Variants in SCN9A observed in about 807,000 individuals in gnomAD.
SCN9A encodes sodium voltage-gated channel alpha subunit 9, also known as sodium channel protein type 9 subunit alpha.
In SCN9A, 131 loss-of-function variants were observed where a neutral mutation model predicts 187.0. The ratio of observed to expected loss-of-function variants is 0.70; its 90% CI spans 0.61 to 0.81. The LOEUF (loss-of-function observed/expected upper bound fraction) is 0.81, where lower values mean the gene tolerates loss of function less well. Ranked by LOEUF, SCN9A falls within the 30% of genes least tolerant of loss-of-function variation. The probability of loss-of-function intolerance (pLI) is 0.00; values close to 1 mark genes in which losing one functional copy is unlikely to be tolerated. For synonymous variants in SCN9A, 809 were observed against 808.6 expected, an observed-to-expected ratio of 1.00 and a Z score of -0.01; for missense variants, 2,252 against 2,396.6, an observed-to-expected ratio of 0.94 and a Z score of 1.26.
chr2:166,196,767 T>C lies in SCN9A; in HGVS notation c.*1905A>G, dbSNP rs200049536. Reference sequence around the variant, plus strand: ...CTATGTAGTCTCGGAAAACACTGCATGGTGTCTTTCATATTAAATTAAAAA... The same window carrying C: ...CTATGTAGTCTCGGAAAACACTGCACGGTGTCTTTCATATTAAATTAAAAA... On this transcript the variant is annotated 3_prime_UTR_variant, in exon 27 of 27. Transcript: ENST00000642356. 6.6e-6 allele frequency: 1 copy of C among 152,134 alleles called. No individual in the cohort carries two copies. The highest frequency in any genetic ancestry group is 2.4e-5 in the African/African-American group (1 of 41,454). 9.4% of individuals were successfully genotyped at this position (152,134 alleles called of 1,614,324 possible).
chr2:166,244,595 A>C (rs1695707139), intron 18 of SCN9A, among the ~76,000 whole-genome samples: 1 of 151,942 alleles, frequency 6.6e-6, no homozygotes, highest in African/African-American at 2.4e-5. Context: ...GCTATTGTGC[A>C]TCTCTTCTTT....
chr2:166,351,714 C>G (rs1700037367), intron 1 of SCN9A, among the ~76,000 whole-genome samples: 1 of 152,078 alleles, frequency 6.6e-6, no homozygotes, highest in Non-Finnish European at 1.5e-5. Flanking sequence ...TTCACTACAT[C>G]CAAGTCTTTA....
chr2:166,347,039 A>G (rs1229536427), intron 1 of SCN9A, among the ~76,000 whole-genome samples: 1 of 152,184 alleles, frequency 6.6e-6, no homozygotes, highest in Non-Finnish European at 1.5e-5. Flanking sequence ...ATTTCTCCAC[A>G]TCAATTTGCT....
chr2:166,202,046 T>C (rs996758911), intron 26 of SCN9A, among the ~76,000 whole-genome samples: 1 of 151,884 alleles, frequency 6.6e-6, no homozygotes, highest in Non-Finnish European at 1.5e-5. Flanking sequence ...TTCTTATTAA[T>C]TTATAAGAAC....
chr2:166,336,519 G>A (rs1267606116), intron 1 of SCN9A, among the ~76,000 whole-genome samples: 1 of 152,068 alleles, frequency 6.6e-6, no homozygotes, highest in African/African-American at 2.4e-5. Context: ...CTATAGGAAT[G>A]CCCCCAAAAT....
chr2:166,353,965 C>A (rs538288286), intron 1 of SCN9A, among the ~76,000 whole-genome samples: 1 of 152,142 alleles, frequency 6.6e-6, no homozygotes, highest in Non-Finnish European at 1.5e-5. Flanking sequence ...CTTCTCCTAA[C>A]CCAAGCACTT....
At chr2:166,340,526 C>T in intron 1 of SCN9A, among the ~76,000 whole-genome samples, 1 of 137,532 alleles carries the variant, frequency 7.3e-6, no homozygotes, top group African/African-American at 2.9e-5. Context: ...TTCCCTCTCT[C>T]CTTTCTTTTC....
In SCN9A at chr2:166,198,691, C is replaced by A. The variant is rs770802841; in HGVS notation, c.5948G>T (p.Ser1983Ile). The A allele has an allele frequency of 7.5e-6, 12 of 1,597,556 alleles. No homozygotes were observed. In the Admixed American group the frequency reaches 8.8e-5, roughly 12 times the overall value. ...GAAGCTCTATTTTTTGCTTTCCTTG[C>A]TGTCTTTCCCTTTGTCTTCCTTTTC... ...RTEKEDKGKD[S>I]KESKK Residue 1983 changes from serine to isoleucine, a missense_variant, in exon 27 of 27, where the codon AGC becomes ATC. Physicochemically the swap from Ser to Ile is moderately radical, Grantham distance 142. Transcript: ENST00000642356.
chr2:166,332,186 C>G (rs892007396), intron 1 of SCN9A, among the ~76,000 whole-genome samples: 1 of 152,138 alleles, frequency 6.6e-6, no homozygotes, highest in African/African-American at 2.4e-5. Flanking sequence ...GGTCTATGTA[C>G]AGCTATAGTA....
chr2:166,355,799 T>C (rs1214383538), intron 1 of SCN9A, among the ~76,000 whole-genome samples: 1 of 151,896 alleles, frequency 6.6e-6, no homozygotes, highest in Non-Finnish European at 1.5e-5. Flanking sequence ...ATTTTTTTTT[T>C]TTTTTGACAG....
intron 16 of SCN9A, among the ~76,000 whole-genome samples, chr2:166,275,180 C>A (rs1479021643): frequency 6.6e-6 from 1 of 152,094 alleles, no homozygotes; most frequent in Non-Finnish European, 1.5e-5. Flanking sequence ...TTTGAATTTG[C>A]CTGAATAAAT....
rs3834910 is a variant in SCN9A at position 166,198,255 on chromosome 2, C to CA, written c.*416dup. ...CAAGCATTTCATTGCAAAGCCAAGG[C>CA]AAATACTTTTGTTGATTTCCAAATA... On this transcript the variant is annotated 3_prime_UTR_variant, in exon 27 of 27. Transcript: ENST00000642356. 0.11 allele frequency: 17,167 copies of CA among 160,288 alleles called. 1,054 individuals carry two copies. Among genetic ancestry groups the CA allele is most frequent in the African/African-American group, 0.17 (6,969 of 41,580 alleles). The allele number at this position is 160,288 out of a possible 1,614,324, so 9.9% of individuals were successfully genotyped here.
chr2:166,319,493 C>T (rs1699187054), intron 1 of SCN9A, among the ~76,000 whole-genome samples: 1 of 152,010 alleles, frequency 6.6e-6, no homozygotes, highest in South Asian at 2.1e-4. Context: ...GAGGCATGAA[C>T]TTGAACAACT....
intron 17 of SCN9A, among the ~76,000 whole-genome samples, chr2:166,267,415 T>C (rs899500286): frequency 6.6e-6 from 1 of 151,956 alleles, no homozygotes; most frequent in African/African-American, 2.4e-5. Context: ...CAGTTGAGCA[T>C]GGTGAATAAT....
At chr2:166,368,803 C>A (rs374670592) in intron 1 of SCN9A, among the ~76,000 whole-genome samples, 1 of 151,670 alleles carries the variant, frequency 6.6e-6, no homozygotes, top group African/African-American at 2.4e-5. Flanking sequence ...GCCTGCCCAA[C>A]CTGGTGAAAT....
chr2:166,219,501 T>C (rs1341711519), intron 24 of SCN9A, among the ~76,000 whole-genome samples: 1 of 152,044 alleles, frequency 6.6e-6, no homozygotes, highest in Non-Finnish European at 1.5e-5. Context: ...TTCTCACTTA[T>C]AAGTGGGAGC....
At position 166,256,777 on chromosome 2, in the gene SCN9A, T is replaced by C. The variant is rs576806207; in HGVS notation, c.3352-4892A>G. Among the ~76,000 whole-genome samples the C allele has an allele frequency of 4.6e-5, 7 of 151,608 alleles. No individual in the cohort carries two copies. The South Asian group carries it at 1.2e-3, about 27-fold the overall frequency. The stretch of plus-strand genomic sequence containing the variant: ...GGTCAACATGATATATAGTATTCTG[T>C]TGGTGAAATAATGAGGTCAAATCTC... On this transcript the variant is annotated intron_variant, in intron 17 of 26. Coordinates refer to ENST00000642356, the MANE Select transcript of SCN9A (RefSeq NM_001365536.1).
chr2:166,322,119 T>G (rs1699260112), intron 1 of SCN9A, among the ~76,000 whole-genome samples: 1 of 152,334 alleles, frequency 6.6e-6, no homozygotes, highest in African/African-American at 2.4e-5. Context: ...ATCAGCCTAA[T>G]AACTAAAAAT....
intron 1 of SCN9A, among the ~76,000 whole-genome samples, chr2:166,333,409 C>T (rs7606196): frequency 1.3e-5 from 2 of 152,028 alleles, no homozygotes; most frequent in African/African-American, 2.4e-5. Context: ...CCTATGTTCC[C>T]CCTACAATGT....
Sources: allele counts gnomAD v4.1 joint callset (sites outside exome capture counted in the v4.1 genomes callset), GRCh38; gene constraint gnomAD v4.1.1; transcripts MANE v1.5; gene names NCBI Gene and HGNC (gene_info 2026-07-23, HGNC 2026-07-21).